Variants in ITPR2 observed in about 807,000 individuals in gnomAD.
The protein encoded by ITPR2 is inositol 1,4,5-trisphosphate receptor type 2, also known as inositol 1,4,5-trisphosphate-gated calcium channel ITPR2.
Under a neutral mutation model 317.1 loss-of-function variants are expected in ITPR2, and 207 were observed. The ratio of observed to expected loss-of-function variants is 0.65; its 90% CI spans 0.58 to 0.73. The LOEUF is 0.73. ITPR2 is among the 30% of genes least tolerant of loss of function. ITPR2 has a pLI of 0.00. For missense variants in ITPR2, 2,613 were observed against 3,284.0 expected, an observed-to-expected ratio of 0.80 and a Z score of 4.99; for synonymous variants, 1,156 against 1,149.1, an observed-to-expected ratio of 1.01 and a Z score of -0.12.
chr12:26,444,030 C>T (rs1450960405), intron 45 of ITPR2, among the ~76,000 whole-genome samples: 3 of 152,090 alleles, frequency 2.0e-5, no homozygotes, highest in Non-Finnish European at 4.4e-5. Context: ...TTCCTATACA[C>T]ACATAAATAG....
chr12:26,616,169 ACT>A (rs1946368596), intron 26 of ITPR2, among the ~76,000 whole-genome samples: 1 of 151,542 alleles, frequency 6.6e-6, no homozygotes, highest in South Asian at 2.1e-4. Flanking sequence ...ACAGAGTCTC[ACT>A]CTGTTGCCCA....
intron 55 of ITPR2, chr12:26,373,645 T>G (rs942445604): frequency 6.6e-6 from 1 of 152,190 alleles, no homozygotes; most frequent in African/African-American, 2.4e-5. Context: ...GCCGGAATAT[T>G]ATTTCTCCAA....
chr12:26,771,502 GTT>G (rs1949842926), intron 2 of ITPR2, among the ~76,000 whole-genome samples: 1 of 152,000 alleles, frequency 6.6e-6, no homozygotes, highest in South Asian at 2.1e-4. Flanking sequence ...TTTTGTTGTT[GTT>G]ATTATTATTG....
chr12:26,747,099 T>G (rs1565734864), intron 2 of ITPR2, among the ~76,000 whole-genome samples: 1 of 152,228 alleles, frequency 6.6e-6, no homozygotes, highest in Non-Finnish European at 1.5e-5. Flanking sequence ...CGCCACTTAG[T>G]CAAAGCCTCT....
At position 26,483,816 on chromosome 12, in the gene ITPR2, C is replaced by T; in HGVS notation, c.5894G>A (p.Ser1965Asn). The T allele has an allele frequency of 1.2e-6, 2 of 1,614,148 alleles. No homozygotes were observed. Among genetic ancestry groups the T allele is most frequent in the Non-Finnish European group, 1.7e-6 (2 of 1,179,970 alleles). ...CAACAGGCCCAGGCCACCGGTTGTA[C>T]TTCCACAAATGCAGTCCAGAAACTG... ...TLQFLDCICGSTTGGLGLLGL... is the reference protein window; with the variant it reads ...TLQFLDCICGNTTGGLGLLGL... The change falls in exon 42 of 57, where the codon AGT becomes AAT. Residue 1965 changes from serine to asparagine, a missense_variant. By Grantham distance (46) the Ser-to-Asn change is conservative. Coordinates refer to ENST00000381340, the MANE Select transcript of ITPR2 (RefSeq NM_002223.4).
intron 43 of ITPR2, among the ~76,000 whole-genome samples, chr12:26,479,094 T>C (rs1402731119): frequency 2.0e-5 from 3 of 150,928 alleles, no homozygotes; most frequent in East Asian, 3.9e-4. Context: ...GGCCAATGTG[T>C]ACAAACCCTC....
At chr12:26,744,587 G>C (rs897886726) in intron 2 of ITPR2, among the ~76,000 whole-genome samples, 2 of 152,112 alleles carry the variant, frequency 1.3e-5, no homozygotes, top group Non-Finnish European at 2.9e-5. Flanking sequence ...AATGTTTCCT[G>C]AATCAATGAA....
chr12:26,755,622 G>A (rs1166384492), intron 2 of ITPR2, among the ~76,000 whole-genome samples: 1 of 152,206 alleles, frequency 6.6e-6, no homozygotes, highest in Non-Finnish European at 1.5e-5. Flanking sequence ...TTGGAAAGTA[G>A]TTGTAAGTAT....
Position 26,443,461 on chromosome 12 carries a change from A to G in ITPR2, c.6450+82T>C, listed in dbSNP as rs1941535623. 5 of 1,125,378 alleles carry G rather than the reference A, an allele frequency of 4.4e-6. No homozygotes were observed. In the Admixed American group the frequency reaches 9.9e-5, roughly 22 times the overall value. The allele number at this position is 1,125,378 out of a possible 1,614,324, so 69.7% of individuals were successfully genotyped here. ...CTCACTTCTGCATCATTGCTCTAGA[A>G]AAAAATATGAAAATGGTCTAAAATA... On this transcript the variant is annotated intron_variant, in intron 46 of 56. Coordinates refer to ENST00000381340, the MANE Select transcript of ITPR2 (RefSeq NM_002223.4).
intron 9 of ITPR2, among the ~76,000 whole-genome samples, chr12:26,710,355 CAGA>C (rs1486065000): frequency 3.9e-5 from 6 of 152,178 alleles, no homozygotes; most frequent in South Asian, 2.1e-4. Context: ...CCCCATTTTC[CAGA>C]AGAAGAAATT....
intron 48 of ITPR2, among the ~76,000 whole-genome samples, chr12:26,430,806 G>A (rs372144505): frequency 7.5e-4 from 114 of 152,056 alleles, no homozygotes; most frequent in African/African-American, 2.4e-3. Context: ...TCACATAATG[G>A]AGCTCTGCTA....
chr12:26,353,931 G>A (rs1298699722), intron 55 of ITPR2, among the ~76,000 whole-genome samples: 2 of 152,062 alleles, frequency 1.3e-5, no homozygotes, highest in African/African-American at 2.4e-5. Flanking sequence ...CCCAGAAATT[G>A]TTTAGCACCA....
chr12:26,621,407 C>T, intron 25 of ITPR2, 111 bp from the exon 26 acceptor site: 4 of 644,496 alleles, frequency 6.2e-6, no homozygotes, highest in Non-Finnish European at 9.8e-6. Context: ...AGTGTGAACA[C>T]TTAACCAGTA....
chr12:26,790,058 G>A (rs1950316636), intron 2 of ITPR2, 99 bp downstream of exon 2: 2 of 809,096 alleles, frequency 2.5e-6, no homozygotes, highest in Non-Finnish European at 4.2e-6. Flanking sequence ...ATATCTGAAA[G>A]TTTCACATTG....
intron 26 of ITPR2, among the ~76,000 whole-genome samples, chr12:26,608,150 G>A (rs1242264964): frequency 7.2e-5 from 11 of 151,918 alleles, no homozygotes. Flanking sequence ...TAAAATAATG[G>A]CATTTTTTGA....
chr12:26,730,370 T>C (rs1949005430), intron 2 of ITPR2, among the ~76,000 whole-genome samples: 1 of 152,226 alleles, frequency 6.6e-6, no homozygotes, highest in African/African-American at 2.4e-5. Flanking sequence ...TTCCTTGATC[T>C]GTAGAGGTGT....
chr12:26,668,838 A>G (rs1324792010), intron 13 of ITPR2, among the ~76,000 whole-genome samples: 1 of 152,192 alleles, frequency 6.6e-6, no homozygotes, highest in Non-Finnish European at 1.5e-5. Context: ...TAAAAATTAT[A>G]GGCTGAGCAC....
intron 19 of ITPR2, 38 bp downstream of exon 19, chr12:26,656,259 A>T (rs1384543787): frequency 6.2e-7 from 1 of 1,608,214 alleles, no homozygotes; most frequent in Admixed American, 1.7e-5. Flanking sequence ...AGTTCATCTG[A>T]TGAATTCCAA....
intron 36 of ITPR2, among the ~76,000 whole-genome samples, chr12:26,552,132 G>C (rs1039019363): frequency 6.6e-6 from 1 of 152,142 alleles, no homozygotes; most frequent in Non-Finnish European, 1.5e-5. Flanking sequence ...AGAGGAAGCA[G>C]GGCAGATTAG....
Sources: allele counts gnomAD v4.1 joint callset (sites outside exome capture counted in the v4.1 genomes callset), GRCh38; gene constraint gnomAD v4.1.1; transcripts MANE v1.5; gene names NCBI Gene and HGNC (gene_info 2026-07-23, HGNC 2026-07-21).